Variants in LHFPL3 observed in about 807,000 individuals in gnomAD.
The protein encoded by LHFPL3 is LHFPL tetraspan subfamily member 3.
A neutral mutation model predicts 19.3 loss-of-function variants in LHFPL3; 5 were observed. That is an observed-to-expected ratio of 0.26 (90% CI 0.14 to 0.54). The LOEUF is 0.54. Ranked by LOEUF, LHFPL3 falls within the 20% of genes least tolerant of loss-of-function variation. The pLI is 0.94. For synonymous variants in LHFPL3, 133 were observed against 126.2 expected (o/e 1.05, Z -0.36); for missense variants, 249 against 307.4 (o/e 0.81, Z 1.42).
At chr7:104,764,289 C>T (rs1387105725) in intron 2 of LHFPL3, among the ~76,000 whole-genome samples, 1 of 152,166 alleles carries the variant, frequency 6.6e-6, no homozygotes, top group Non-Finnish European at 1.5e-5. Context: ...CTACCTCAGC[C>T]TCCTGAGTAG....
intron 1 of LHFPL3, among the ~76,000 whole-genome samples, chr7:104,467,212 C>G (rs12705216): frequency 0.79 from 119,969 of 152,110 alleles, 47,639 homozygotes; most frequent in East Asian, 0.88. Context: ...AAAATGGGAG[C>G]GGGGCTGGTT....
At chr7:104,588,029 T>G (rs1033083785) in intron 1 of LHFPL3, among the ~76,000 whole-genome samples, 3 of 152,208 alleles carry the variant, frequency 2.0e-5, no homozygotes, top group African/African-American at 7.2e-5. Flanking sequence ...CGTTGTCAGA[T>G]GAGTAGATTG....
chr7:104,422,155 G>A (rs1185827895), intron 1 of LHFPL3, among the ~76,000 whole-genome samples: 1 of 152,188 alleles, frequency 6.6e-6, no homozygotes, highest in Non-Finnish European at 1.5e-5. Flanking sequence ...GAGGTCAGGA[G>A]TTCAAGACCA....
chr7:104,657,186 A>G (rs753961205), intron 1 of LHFPL3, among the ~76,000 whole-genome samples: 24 of 152,396 alleles, frequency 1.6e-4, no homozygotes, highest in Non-Finnish European at 3.2e-4. Flanking sequence ...TTAAGCATCA[A>G]AATATTCAAT....
At chr7:104,363,714 T>G (rs535208815) in intron 1 of LHFPL3, among the ~76,000 whole-genome samples, 1 of 152,330 alleles carries the variant, frequency 6.6e-6, no homozygotes, top group Non-Finnish European at 1.5e-5. Context: ...GTCAGATCCT[T>G]GCCATTGGGA....
intron 1 of LHFPL3, among the ~76,000 whole-genome samples, chr7:104,496,023 G>T (rs1374756243): frequency 6.6e-6 from 1 of 151,928 alleles, no homozygotes; most frequent in Non-Finnish European, 1.5e-5. Context: ...CAACGTGCAG[G>T]TTTGTTACAT....
In LHFPL3 at chr7:104,389,278, C is replaced by T. The variant is rs553300664; in HGVS notation, c.445+60054C>T. On this transcript the variant is annotated intron_variant, in intron 1 of 2. Coordinates refer to ENST00000424859, the MANE Select transcript of LHFPL3 (RefSeq NM_199000.3). ...AAGAAAACAATCCCATTTACAATAG[C>T]ATCAAAAATAATAAAATATTCAGAA... is the stretch of plus-strand genomic sequence containing the variant. Among the ~76,000 whole-genome samples the T allele has an allele frequency of 4.6e-5, 7 of 152,188 alleles. No individual in the cohort carries two copies. In the South Asian group the frequency reaches 1.2e-3, roughly 27 times the overall value.
intron 1 of LHFPL3, among the ~76,000 whole-genome samples, chr7:104,526,512 A>T (rs916192019): frequency 2.0e-5 from 3 of 152,244 alleles, no homozygotes; most frequent in African/African-American, 7.2e-5. Context: ...TATGTAAGTA[A>T]ATAATGGCCA....
intron 1 of LHFPL3, among the ~76,000 whole-genome samples, chr7:104,334,321 C>A (rs1037368853): frequency 9.9e-5 from 15 of 152,274 alleles, no homozygotes; most frequent in African/African-American, 3.6e-4. Flanking sequence ...CCAAGGCGGG[C>A]AGATCACCTG....
intron 1 of LHFPL3, among the ~76,000 whole-genome samples, chr7:104,440,041 G>A (rs577343055): frequency 1.4e-5 from 2 of 146,508 alleles, no homozygotes; most frequent in Non-Finnish European, 1.5e-5. Context: ...AGCCTGGGGG[G>A]GGGGAGGGAT....
intron 1 of LHFPL3, among the ~76,000 whole-genome samples, chr7:104,721,426 A>C (rs1475124788): frequency 6.6e-6 from 1 of 152,082 alleles, no homozygotes; most frequent in African/African-American, 2.4e-5. Context: ...CATTAGGAGA[A>C]ATACCTGATG....
At chr7:104,743,219 C>A (rs1187548387) in intron 2 of LHFPL3, among the ~76,000 whole-genome samples, 1 of 152,140 alleles carries the variant, frequency 6.6e-6, no homozygotes, top group African/African-American at 2.4e-5. Flanking sequence ...CGGACCCATG[C>A]TGTCAGAGGC....
chr7:104,596,293 C>T (rs1466016931), intron 1 of LHFPL3, among the ~76,000 whole-genome samples: 1 of 152,178 alleles, frequency 6.6e-6, no homozygotes, highest in Non-Finnish European at 1.5e-5. Context: ...GAAGAGCTTC[C>T]CTGTGATCTC....
intron 1 of LHFPL3, among the ~76,000 whole-genome samples, chr7:104,389,903 C>G (rs1791030924): frequency 6.6e-6 from 1 of 152,068 alleles, no homozygotes; most frequent in African/African-American, 2.4e-5. Flanking sequence ...AGAATTAAAA[C>G]CATAAAACTG....
intron 1 of LHFPL3, among the ~76,000 whole-genome samples, chr7:104,481,635 G>A (rs1053959409): frequency 1.3e-5 from 2 of 151,966 alleles, no homozygotes; most frequent in East Asian, 1.9e-4. Flanking sequence ...CTCGGTGCTC[G>A]GTGCTGAATC....
At chr7:104,766,384 C>T (rs1401455111) in intron 2 of LHFPL3, among the ~76,000 whole-genome samples, 1 of 152,186 alleles carries the variant, frequency 6.6e-6, no homozygotes, top group Non-Finnish European at 1.5e-5. Context: ...GAACCAATAG[C>T]AAAGAGGATC....
chr7:104,471,523 A>G (rs898182471), intron 1 of LHFPL3, among the ~76,000 whole-genome samples: 2 of 152,228 alleles, frequency 1.3e-5, no homozygotes, highest in Admixed American at 1.3e-4. Context: ...AACTTGCCCT[A>G]GTTCATACAT....
intron 2 of LHFPL3, chr7:104,739,079 A>C (rs1449887050): frequency 6.6e-6 from 1 of 152,174 alleles, no homozygotes; most frequent in Admixed American, 6.5e-5. Context: ...TTCTCAATTG[A>C]AATTCCTTAA....
At chr7:104,545,353 C>A (rs1312048733) in intron 1 of LHFPL3, among the ~76,000 whole-genome samples, 2 of 152,196 alleles carry the variant, frequency 1.3e-5, no homozygotes, top group Non-Finnish European at 1.5e-5. Context: ...CTAATGTCCA[C>A]CCCTGCCAAT....
Sources: allele counts gnomAD v4.1 joint callset (sites outside exome capture counted in the v4.1 genomes callset), GRCh38; gene constraint gnomAD v4.1.1; transcripts MANE v1.5; gene names NCBI Gene and HGNC (gene_info 2026-07-23, HGNC 2026-07-21).